Variants in C10orf143 observed in about 807,000 individuals in gnomAD.
The protein encoded by C10orf143 is chromosome 10 open reading frame 143.
rs139136290 is a variant in C10orf143 at position 130,089,797 on chromosome 10, A to G, written c.70-9896T>C. Among the ~76,000 whole-genome samples, 465 of 152,322 alleles carry G rather than the reference A, an allele frequency of 3.1e-3. 1 individual carries two copies. Among genetic ancestry groups the G allele is most frequent in the African/African-American group, 0.01 (436 of 41,572 alleles). ...TTGACAAGGGTGCCAAGAAAATTCAATGGAGAAAGAACAGTCTTTAGAAGA... is the reference window on the plus strand; with the variant it reads ...TTGACAAGGGTGCCAAGAAAATTCAGTGGAGAAAGAACAGTCTTTAGAAGA... On this transcript the variant is annotated intron_variant, in intron 1 of 3. Transcript: ENST00000637128.
At chr10:130,080,831 T>C (rs537623239) in intron 1 of C10orf143, among the ~76,000 whole-genome samples, 11 of 152,254 alleles carry the variant, frequency 7.2e-5, no homozygotes, top group Admixed American at 3.9e-4. Context: ...AGAAACCTTA[T>C]GACAGACTAG....
chr10:130,053,204 G>T (rs1478813027), intron 3 of C10orf143, among the ~76,000 whole-genome samples: 2 of 152,138 alleles, frequency 1.3e-5, no homozygotes, highest in African/African-American at 4.8e-5. Context: ...GGGACTACAG[G>T]CCCCTGCCAT....
At chr10:130,108,566 C>A (rs1861704666) in intron 1 of C10orf143, 1 of 594,926 alleles carries the variant, frequency 1.7e-6, no homozygotes, top group Non-Finnish European at 3.1e-6. Context: ...AATTATAATT[C>A]TTAGGATAGT....
Position 130,056,329 on chromosome 10 carries a change from G to A in C10orf143, c.298-20359C>T, listed in dbSNP as rs1449637719. On this transcript the variant is annotated intron_variant and NMD_transcript_variant, in intron 3 of 5. Transcript: ENST00000643056. This position sits in a 1 kb window ranked among gnomAD's most constrained non-coding sequence, Gnocchi z 4.6. Reference sequence around the variant, plus strand: ...GTGGCCGTACCAGAAGATCAGGGGTGGGGGTGCCGTCATGAGCAGGATGAG... The same window carrying A: ...GTGGCCGTACCAGAAGATCAGGGGTAGGGGTGCCGTCATGAGCAGGATGAG... Among the ~76,000 whole-genome samples, 1 of 152,158 alleles carries A rather than the reference G, an allele frequency of 6.6e-6. No individual in the cohort carries two copies. The highest frequency in any genetic ancestry group is 2.4e-5 in the African/African-American group (1 of 41,432).
At chr10:130,106,019 G>A (rs763084169) in intron 1 of C10orf143, 2 of 474,396 alleles carry the variant, frequency 4.2e-6, no homozygotes, top group Non-Finnish European at 4.1e-6. Flanking sequence ...GGGTTACTGC[G>A]GCGACCGCCA....
chr10:130,107,699 G>A (rs772693573), intron 1 of C10orf143: 135 of 1,268,700 alleles, frequency 1.1e-4, no homozygotes, highest in Non-Finnish European at 1.4e-4. Context: ...GCCTCCAGGG[G>A]GGGAAGGAAG....
chr10:130,071,636 T>C (rs1184947), intron 3 of C10orf143, among the ~76,000 whole-genome samples: 6 of 137,218 alleles, frequency 4.4e-5, no homozygotes, highest in African/African-American at 6.6e-5. Flanking sequence ...TATTCTATAT[T>C]TTTTTTTTGA....
intron 3 of C10orf143, among the ~76,000 whole-genome samples, chr10:130,055,239 A>C (rs1171238039): frequency 1.3e-5 from 2 of 152,232 alleles, no homozygotes; most frequent in African/African-American, 4.8e-5. Context: ...AGGCAACAAA[A>C]GCAAAAATAG....
chr10:130,042,432 T>C (rs1218616776), intron 3 of C10orf143, among the ~76,000 whole-genome samples: 2 of 152,242 alleles, frequency 1.3e-5, no homozygotes, highest in Non-Finnish European at 2.9e-5. Flanking sequence ...AGAAGAAACA[T>C]TGTGATCGAT....
intron 1 of C10orf143, among the ~76,000 whole-genome samples, chr10:130,086,051 C>T (rs189771792): frequency 7.4e-4 from 113 of 152,324 alleles, no homozygotes; most frequent in African/African-American, 2.7e-3. Flanking sequence ...ATCCTAGACA[C>T]CCTAGTCCAG....
intron 1 of C10orf143, chr10:130,106,905 A>G: frequency 9.7e-7 from 1 of 1,033,668 alleles, no homozygotes; most frequent in Non-Finnish European, 1.5e-6. Flanking sequence ...GACGTAACGG[A>G]TGATGATAAC....
At chr10:130,040,177 A>G (rs1860589707) in intron 3 of C10orf143, among the ~76,000 whole-genome samples, 1 of 152,178 alleles carries the variant, frequency 6.6e-6, no homozygotes, top group Non-Finnish European at 1.5e-5. Context: ...AGCCAGCATC[A>G]GTAGGCCTGG....
chr10:130,041,450 C>T (rs1689398623), intron 3 of C10orf143, among the ~76,000 whole-genome samples: 1 of 152,238 alleles, frequency 6.6e-6, no homozygotes, highest in Non-Finnish European at 1.5e-5. Flanking sequence ...GATTGAAACT[C>T]TTTTTTCATT....
At chr10:130,099,231 G>C (rs1861509369) in intron 1 of C10orf143, among the ~76,000 whole-genome samples, 1 of 152,116 alleles carries the variant, frequency 6.6e-6, no homozygotes, top group Non-Finnish European at 1.5e-5. Context: ...TCATTAAACT[G>C]AGTATAACAG....
At chr10:130,095,598 A>G (rs1309009827) in intron 1 of C10orf143, among the ~76,000 whole-genome samples, 1 of 152,232 alleles carries the variant, frequency 6.6e-6, no homozygotes. Context: ...ACAGACATAC[A>G]GACCAATGGA....
At chr10:130,055,587 G>T (rs1860785545) in intron 3 of C10orf143, among the ~76,000 whole-genome samples, 1 of 152,112 alleles carries the variant, frequency 6.6e-6, no homozygotes, top group African/African-American at 2.4e-5. Context: ...AGTTTGTCAA[G>T]AATGTTTGAA....
chr10:130,096,882 C>T (rs1238615659), intron 1 of C10orf143, among the ~76,000 whole-genome samples: 1 of 148,212 alleles, frequency 6.7e-6, no homozygotes, highest in Non-Finnish European at 1.5e-5. Context: ...AGACAAGCCA[C>T]ATTCGTGGAG....
intron 1 of C10orf143, among the ~76,000 whole-genome samples, chr10:130,109,374 T>A (rs932866356): frequency 6.6e-6 from 1 of 152,018 alleles, no homozygotes; most frequent in Non-Finnish European, 1.5e-5. Context: ...GGGAAGGAAC[T>A]TAGGTCCCCG....
At chr10:130,106,154 C>G (rs761922170) in intron 1 of C10orf143, 2 of 814,376 alleles carry the variant, frequency 2.5e-6, no homozygotes, top group African/African-American at 1.7e-5. Flanking sequence ...TTCGAATCCT[C>G]ATGGTTTTCC....
Sources: gnomAD v4.1 joint callset for allele counts (sites outside exome capture counted in the v4.1 genomes callset) on GRCh38, gnomAD v4.1.1 for gene constraint, Gnocchi (gnomAD v3.1) non-coding constraint, MANE v1.5 for transcripts, NCBI Gene and HGNC (gene_info 2026-07-23, HGNC 2026-07-21) for gene names.